The following ERCC6 variants were observed in gnomAD, a reference collection of about 807,000 sequenced individuals.
The protein encoded by ERCC6 is DNA excision repair protein ERCC-6.
Under a neutral mutation model 158.7 loss-of-function variants are expected in ERCC6, and 116 were observed. The observed-to-expected ratio is 0.73, with a 90% CI of 0.63 to 0.85. ERCC6 has a LOEUF of 0.85. Ranked by LOEUF, ERCC6 falls within the 40% of genes least tolerant of loss-of-function variation. The pLI, the probability that ERCC6 is intolerant of heterozygous loss-of-function variation, is 0.00. For synonymous variants in ERCC6, 678 were observed against 659.3 expected, an observed-to-expected ratio of 1.03 and a Z score of -0.43; for missense variants, 1,698 against 1,799.4, an observed-to-expected ratio of 0.94 and a Z score of 1.02.
intron 5 of ERCC6, chr10:49,516,762 T>A: frequency 1.9e-6 from 3 of 1,614,132 alleles, no homozygotes; most frequent in Non-Finnish European, 1.7e-6. Context: ...TACAGTTAGG[T>A]CGGCTTTTTT....
intron 3 of ERCC6, among the ~76,000 whole-genome samples, chr10:49,529,565 C>CT (rs978303368): frequency 1.3e-5 from 2 of 152,168 alleles, no homozygotes; most frequent in African/African-American, 4.8e-5. Flanking sequence ...CAACTGCTAG[C>CT]TTTGACCTTT....
In ERCC6 at chr10:49,470,400, T is replaced by C. The variant is rs1398927624; in HGVS notation, c.3560A>G (p.His1187Arg). The C allele has an allele frequency of 3.1e-6, 5 of 1,614,070 alleles. No homozygotes were observed. Among genetic ancestry groups the C allele is most frequent in the Non-Finnish European group, 3.4e-6 (4 of 1,180,032 alleles). ...NFYKHKSKTK[H>R]HSVAEEETLE... The stretch of plus-strand genomic sequence containing the variant: ...GGTCTCTTCTTCTGCCACACTATGA[T>C]GTTTTGTTTTTGACTTGTGCTTATA... The change falls in exon 18 of 21, where the codon CAT becomes CGT. Residue 1187 changes from histidine (H) to arginine (R), a missense_variant. By Grantham distance (29) the His-to-Arg change is conservative. Coordinates refer to ENST00000355832, the MANE Select transcript of ERCC6 (RefSeq NM_000124.4).
Position 49,524,126 on chromosome 10 carries a change from T to G in ERCC6, c.1304A>C (p.Glu435Ala). ...DFFPSSGEEA[E>A]AASVGEGGGG... Reference sequence around the variant, plus strand: ...TCCTCCTTCTCCTACAGAAGCAGCTTCAGCTTCTTCCCCAGAACTTGGGAA... The same window carrying G: ...TCCTCCTTCTCCTACAGAAGCAGCTGCAGCTTCTTCCCCAGAACTTGGGAA... The change falls in exon 5 of 21, where the codon GAA becomes GCA. Residue 435 changes from glutamate (E) to alanine (A), a missense_variant. Glu to Ala is a moderately radical substitution (Grantham distance 107, BLOSUM62 -1). Transcript: ENST00000355832. The G allele has an allele frequency of 6.2e-7, 1 of 1,614,052 alleles. No individual in the cohort carries two copies. Among genetic ancestry groups the G allele is most frequent in the Non-Finnish European group, 8.5e-7 (1 of 1,180,022 alleles).
rs181143386 is a variant in ERCC6, at chr10:49,530,663, G to C, written c.543+57C>G. On this transcript the variant is annotated intron_variant, in intron 3 of 20. Transcript: ENST00000355832. ...CTTTTTAAAATACTTCCTAAATTAA[G>C]TGCCCCTAAATGATGACTTTTTCAA... The C allele has an allele frequency of 1.7e-5, 27 of 1,598,320 alleles. No individual in the cohort carries two copies. In the East Asian group the frequency reaches 5.2e-4, roughly 31 times the overall value.
At chr10:49,492,080 G>A (rs1436275439) in intron 8 of ERCC6, among the ~76,000 whole-genome samples, 1 of 152,118 alleles carries the variant, frequency 6.6e-6, no homozygotes, top group Non-Finnish European at 1.5e-5. Context: ...AAAGTCAGTT[G>A]GTTTTAACAA....
chr10:49,490,118 T>G lies in ERCC6; in HGVS notation c.1821+2999A>C, dbSNP rs200876040. Among the ~76,000 whole-genome samples, 14 of 152,156 alleles carry G rather than the reference T, an allele frequency of 9.2e-5. No homozygotes were observed. The East Asian group carries it at 2.5e-3, about 27-fold the overall frequency. On this transcript the variant is annotated intron_variant, in intron 8 of 20. Coordinates refer to ENST00000355832, the MANE Select transcript of ERCC6 (RefSeq NM_000124.4). The stretch of plus-strand genomic sequence containing the variant: ...AAAAGAGATTCAGAAGCCTAAAAAT[T>G]TCTTTATCAGATTTCATCATTTGGT...
chr10:49,479,660 A>T (rs1306338769), intron 10 of ERCC6, among the ~76,000 whole-genome samples: 1 of 152,198 alleles, frequency 6.6e-6, no homozygotes, highest in Non-Finnish European at 1.5e-5. Context: ...TGTACAGTCT[A>T]TAAAGAAAAC....
At chr10:49,516,840 G>T (rs140260794) in intron 5 of ERCC6, 1 of 1,614,158 alleles carries the variant, frequency 6.2e-7, no homozygotes, top group Non-Finnish European at 8.5e-7. Flanking sequence ...AGTAAACGTA[G>T]ATGGAACTTC....
At chr10:49,530,486 A>G (rs1441012099) in intron 3 of ERCC6, among the ~76,000 whole-genome samples, 1 of 152,196 alleles carries the variant, frequency 6.6e-6, no homozygotes, top group Non-Finnish European at 1.5e-5. Context: ...GAGCAACTGT[A>G]TACGTATGGA....
At chr10:49,483,647 AG>A (rs1261528888) in intron 8 of ERCC6, 131 bp from the exon 9 acceptor site, 1 of 905,918 alleles carries the variant, frequency 1.1e-6, no homozygotes, top group Non-Finnish European at 1.7e-6. Flanking sequence ...AGACATTATC[AG>A]CACTGGAAGT....
chr10:49,442,075 T>TG, the ERCC6 span, among the ~76,000 whole-genome samples: 9 of 151,934 alleles, frequency 5.9e-5, no homozygotes, highest in African/African-American at 1.9e-4. Context: ...GGGGAAGGGG[T>TG]GGGGGCCTGT....
chr10:49,490,233 A>T (rs1338758655), intron 8 of ERCC6, among the ~76,000 whole-genome samples: 1 of 152,220 alleles, frequency 6.6e-6, no homozygotes, highest in Non-Finnish European at 1.5e-5. Flanking sequence ...ACTATTAACA[A>T]AGATAACATA....
At chr10:49,475,725 A>C (rs1412116498) in intron 12 of ERCC6, among the ~76,000 whole-genome samples, 1 of 152,188 alleles carries the variant, frequency 6.6e-6, no homozygotes, top group African/African-American at 2.4e-5. Context: ...TGAGAATTAG[A>C]GCCAGGGACA....
chr10:49,459,748 G>C (rs1850545043), intron 20 of ERCC6, among the ~76,000 whole-genome samples: 1 of 152,114 alleles, frequency 6.6e-6, no homozygotes, highest in African/African-American at 2.4e-5. Context: ...AACTCTGAAA[G>C]GGTCTCAAAT....
At chr10:49,461,700 A>T in intron 18 of ERCC6, 144 bp from the exon 19 acceptor site, 1 of 804,006 alleles carries the variant, frequency 1.2e-6, no homozygotes, top group Non-Finnish European at 2.0e-6. Flanking sequence ...ATGATAAAAA[A>T]TAGTAAGATA....
At chr10:49,530,977 A>T in intron 2 of ERCC6, 137 bp from the exon 3 acceptor site, 1 of 1,235,528 alleles carries the variant, frequency 8.1e-7, no homozygotes, top group Non-Finnish European at 1.1e-6. Flanking sequence ...CAGAATACAT[A>T]CCCTTATTGG....
rs531387042 is a variant in ERCC6 at position 49,533,756 on chromosome 10, T to C, written c.-14-778A>G. Among the ~76,000 whole-genome samples, 4 of 152,268 alleles carry C rather than the reference T, an allele frequency of 2.6e-5. No homozygotes were observed. The South Asian group carries it at 8.3e-4, about 32-fold the overall frequency. ...AGATGGAGGCTGCAGTGAGCCATGA[T>C]TGCACAACTGCACTCTAGCCTGGGC... On this transcript the variant is annotated intron_variant, in intron 1 of 20. Transcript: ENST00000355832.
chr10:49,480,393 T>C (rs140247973), intron 10 of ERCC6, among the ~76,000 whole-genome samples: 16 of 152,348 alleles, frequency 1.1e-4, no homozygotes, highest in Non-Finnish European at 2.1e-4. Context: ...GCCATCATTT[T>C]AGCACCAGCA....
At chr10:49,490,912 AG>A (rs1564426616) in intron 8 of ERCC6, among the ~76,000 whole-genome samples, 2 of 152,360 alleles carry the variant, frequency 1.3e-5, no homozygotes, top group East Asian at 3.9e-4. Flanking sequence ...CTGATAAGGA[AG>A]TCAGGCATTA....
Sources: allele counts gnomAD v4.1 joint callset (sites outside exome capture counted in the v4.1 genomes callset), GRCh38; gene constraint gnomAD v4.1.1; transcripts MANE v1.5; gene names NCBI Gene and HGNC (gene_info 2026-07-23, HGNC 2026-07-21).